NMNAT2: variants seen among roughly 807,000 people sequenced by gnomAD.
NMNAT2 encodes nicotinamide nucleotide adenylyltransferase 2.
Under a neutral mutation model 41.6 loss-of-function variants are expected in NMNAT2, and 11 were observed. The ratio of observed to expected loss-of-function variants is 0.26; its 90% CI spans 0.17 to 0.44. The LOEUF is 0.44. Ranked by LOEUF, NMNAT2 falls within the 20% of genes least tolerant of loss-of-function variation. The probability of loss-of-function intolerance (pLI) is 1.00; values close to 1 mark genes in which losing one functional copy is unlikely to be tolerated. For missense variants in NMNAT2, 288 were observed against 407.7 expected (o/e 0.71, Z 2.53); for synonymous variants, 148 against 151.2 (o/e 0.98, Z 0.16).
At chr1:183,356,432 C>T (rs966445911) in intron 1 of NMNAT2, among the ~76,000 whole-genome samples, 7 of 152,198 alleles carry the variant, frequency 4.6e-5, no homozygotes, top group African/African-American at 1.7e-4. Flanking sequence ...TAGGGAATGA[C>T]CCAGCGTACC....
At chr1:183,379,049 T>TATCTAC (rs1557894297) in intron 1 of NMNAT2, among the ~76,000 whole-genome samples, 3 of 73,856 alleles carry the variant, frequency 4.1e-5, no homozygotes, top group African/African-American at 1.1e-4. Flanking sequence ...TCTCAAAAAA[T>TATCTAC]ATCTATATCT....
At chr1:183,351,564 G>A (rs1024902382) in intron 1 of NMNAT2, among the ~76,000 whole-genome samples, 1 of 152,118 alleles carries the variant, frequency 6.6e-6, no homozygotes, top group Non-Finnish European at 1.5e-5. Context: ...CTCAACCACA[G>A]GTCAGGTACT....
chr1:183,298,885 C>G (rs911644382), intron 1 of NMNAT2, among the ~76,000 whole-genome samples: 3 of 152,170 alleles, frequency 2.0e-5, no homozygotes, highest in African/African-American at 7.2e-5. Flanking sequence ...GTCAAAATCA[C>G]AACAAGATTT....
At chr1:183,261,118 C>T (rs377201946) in intron 9 of NMNAT2, 49 bp from the exon 10 acceptor site, 1 of 1,602,640 alleles carries the variant, frequency 6.2e-7, no homozygotes, top group African/African-American at 1.3e-5. Context: ...CCACTAAACT[C>T]CTTTTGCTCT....
chr1:183,286,873 A>G, intron 4 of NMNAT2, 85 bp from the exon 5 acceptor site: 1 of 1,456,238 alleles, frequency 6.9e-7, no homozygotes, highest in Non-Finnish European at 9.3e-7. Context: ...CTGCTTGTCC[A>G]TCATGGAGAG....
chr1:183,288,456 A>C (rs185329293), intron 4 of NMNAT2, among the ~76,000 whole-genome samples: 1 of 152,340 alleles, frequency 6.6e-6, no homozygotes, highest in Non-Finnish European at 1.5e-5. Flanking sequence ...ATTCTTTGCC[A>C]GCTTCTGCCC....
intron 1 of NMNAT2, among the ~76,000 whole-genome samples, chr1:183,323,604 G>A (rs1229221694): frequency 1.3e-5 from 2 of 152,306 alleles, no homozygotes; most frequent in East Asian, 3.9e-4. Flanking sequence ...AAAGAAGTGG[G>A]CCCCACTACC....
At chr1:183,292,372 G>A (rs970566310) in intron 3 of NMNAT2, among the ~76,000 whole-genome samples, 5 of 152,224 alleles carry the variant, frequency 3.3e-5, no homozygotes, top group Admixed American at 1.3e-4. Context: ...CCCTTAGGGA[G>A]CCTGAGTTCA....
chr1:183,404,236 C>G (rs1481950141), intron 1 of NMNAT2, among the ~76,000 whole-genome samples: 1 of 151,770 alleles, frequency 6.6e-6, no homozygotes, highest in South Asian at 2.1e-4. Flanking sequence ...GTAGCTGAGA[C>G]CACAGGTGCA....
chr1:183,346,210 A>G (rs1259226030), intron 1 of NMNAT2, among the ~76,000 whole-genome samples: 2 of 152,080 alleles, frequency 1.3e-5, no homozygotes, highest in East Asian at 1.9e-4. Context: ...TCTCAGTTCC[A>G]TCATTCCCAC....
chr1:183,254,891 C>T (rs75323081), intron 10 of NMNAT2, among the ~76,000 whole-genome samples: 1,744 of 152,168 alleles, frequency 0.011, 42 homozygotes, highest in African/African-American at 0.039. Context: ...TTGGTTGTTT[C>T]CTTTGCTGTA....
chr1:183,397,238 G>A (rs923414138), intron 1 of NMNAT2, among the ~76,000 whole-genome samples: 1 of 152,124 alleles, frequency 6.6e-6, no homozygotes, highest in Non-Finnish European at 1.5e-5. Context: ...AGCCAGGGTC[G>A]AGGTTCTGCT....
chr1:183,256,367 CCACTG>C (rs1660516096), intron 10 of NMNAT2, among the ~76,000 whole-genome samples: 1 of 152,018 alleles, frequency 6.6e-6, no homozygotes, highest in South Asian at 2.1e-4. Flanking sequence ...AGAGATTGTG[CCACTG>C]CACTCCAGCC....
At chr1:183,274,856 C>G (rs889499687) in intron 8 of NMNAT2, among the ~76,000 whole-genome samples, 19 of 151,744 alleles carry the variant, frequency 1.3e-4, no homozygotes, top group Non-Finnish European at 2.8e-4. Flanking sequence ...ATAGAAAGAA[C>G]AAAGAACAGG....
chr1:183,260,937 G>A, intron 10 of NMNAT2, 65 bp downstream of exon 10: 1 of 1,308,566 alleles, frequency 7.6e-7, no homozygotes. Flanking sequence ...TTTGATGGAG[G>A]AAATTTATGT....
intron 1 of NMNAT2, among the ~76,000 whole-genome samples, chr1:183,400,751 A>G (rs1246597941): frequency 1.3e-5 from 2 of 152,172 alleles, no homozygotes; most frequent in Non-Finnish European, 1.5e-5. Context: ...GCCCTCAGAA[A>G]TAATACCACA....
chr1:183,417,998 C>A (rs1346078586), intron 1 of NMNAT2, among the ~76,000 whole-genome samples, 185 bp downstream of exon 1: 1 of 152,232 alleles, frequency 6.6e-6, no homozygotes. Flanking sequence ...AGTGACGCCT[C>A]GGAAACGCAG....
chr1:183,316,371 G>C (rs1328939528), intron 1 of NMNAT2, among the ~76,000 whole-genome samples: 2 of 152,210 alleles, frequency 1.3e-5, no homozygotes, highest in Admixed American at 6.5e-5. Flanking sequence ...GGAGCTAAGA[G>C]GAGAGGGCTG....
chr1:183,274,786 A>G (rs2102293855), intron 8 of NMNAT2, among the ~76,000 whole-genome samples: 1 of 152,052 alleles, frequency 6.6e-6, no homozygotes, highest in East Asian at 1.9e-4. Flanking sequence ...AAAAAGAAAA[A>G]AAAGACATTT....
Sources: gnomAD v4.1 joint callset for allele counts (sites outside exome capture counted in the v4.1 genomes callset) on GRCh38, gnomAD v4.1.1 for gene constraint, MANE v1.5 for transcripts, NCBI Gene and HGNC (gene_info 2026-07-23, HGNC 2026-07-21) for gene names.